ADAMTS14: variants seen among roughly 807,000 people sequenced by gnomAD.
ADAMTS14 encodes ADAM metallopeptidase with thrombospondin type 1 motif 14, also known as A disintegrin and metalloproteinase with thrombospondin motifs 14.
Under a neutral mutation model 128.6 loss-of-function variants are expected in ADAMTS14, and 100 were observed. The observed-to-expected ratio is 0.78, with a 90% CI of 0.66 to 0.92. The LOEUF (loss-of-function observed/expected upper bound fraction) is 0.92, where lower values mean the gene tolerates loss of function less well. ADAMTS14 is among the 40% of genes least tolerant of loss of function. ADAMTS14 has a pLI of 0.00. For synonymous variants in ADAMTS14, 665 were observed against 653.8 expected (o/e 1.02, Z -0.26); for missense variants, 1,562 against 1,658.6 (o/e 0.94, Z 1.01).
At chr10:70,675,103 TG>T (rs2132523038) in intron 2 of ADAMTS14, 108 bp downstream of exon 2, 1 of 1,337,898 alleles carries the variant, frequency 7.5e-7, no homozygotes, top group East Asian at 2.4e-5. Context: ...AAGGCAGGGG[TG>T]GTGCTGCCTT....
At chr10:70,700,744 C>T (rs1347674364) in intron 2 of ADAMTS14, among the ~76,000 whole-genome samples, 2 of 152,216 alleles carry the variant, frequency 1.3e-5, no homozygotes, top group Admixed American at 6.5e-5. Flanking sequence ...CTTTGGGACA[C>T]GTGTCCACAC....
At chr10:70,759,679 A>G (rs1227178790) in intron 21 of ADAMTS14, among the ~76,000 whole-genome samples, 3 of 152,206 alleles carry the variant, frequency 2.0e-5, no homozygotes, top group Non-Finnish European at 2.9e-5. Context: ...CAAATTAAGC[A>G]GTAGCAGTCT....
intron 2 of ADAMTS14, among the ~76,000 whole-genome samples, chr10:70,700,403 C>A (rs1007495697): frequency 6.6e-6 from 1 of 152,198 alleles, no homozygotes; most frequent in African/African-American, 2.4e-5. Context: ...GAAACCTGGG[C>A]TGACAGTCCC....
chr10:70,690,040 C>T (rs1840141045), intron 2 of ADAMTS14, among the ~76,000 whole-genome samples: 1 of 144,942 alleles, frequency 6.9e-6, no homozygotes, highest in Non-Finnish European at 1.6e-5. Flanking sequence ...TAGCTCCGTG[C>T]AAAGAGTAAT....
intron 11 of ADAMTS14, among the ~76,000 whole-genome samples, chr10:70,740,736 G>T (rs914707860): frequency 2.0e-5 from 3 of 152,162 alleles, no homozygotes; most frequent in Admixed American, 6.5e-5. Context: ...ACATCTGTCC[G>T]TCACACTCAC....
In ADAMTS14 at chr10:70,735,292, CTGCTT is replaced by C; in HGVS notation, c.1477_1481del (p.Cys493GlyfsTer6). ...TTGACTTTGGCAGTGGCTACCAGAC[CTGCTT>C]GGCAGTAAGTAGCCATCTGGCCTCT... is the stretch of plus-strand genomic sequence containing the variant. On this transcript the variant is annotated frameshift_variant, in exon 9 of 22. Transcript: ENST00000373207. LOFTEE classifies it high-confidence loss of function. 6.2e-7 allele frequency: 1 copy of C among 1,613,856 alleles called. No individual in the cohort carries two copies. The highest frequency in any genetic ancestry group is 2.2e-5 in the East Asian group (1 of 44,886).
chr10:70,741,813 G>T (rs1842009212), intron 12 of ADAMTS14, among the ~76,000 whole-genome samples: 1 of 152,198 alleles, frequency 6.6e-6, no homozygotes, highest in African/African-American at 2.4e-5. Context: ...AGTGTTTCCA[G>T]TGATGGCTCC....
In ADAMTS14 at chr10:70,672,623, G is replaced by A. The variant is rs1839514295; in HGVS notation, c.-180G>A. Among the ~76,000 whole-genome samples, 1 of 151,712 alleles carries A rather than the reference G, an allele frequency of 6.6e-6. No homozygotes were observed. The highest frequency in any genetic ancestry group is 2.4e-5 in the African/African-American group (1 of 41,388). On this transcript the variant is annotated 5_prime_UTR_variant, in exon 1 of 22. Transcript: ENST00000373207. ...CCCGGAGCCAGCGGTCCAGGCGGCG[G>A]CGCCGCGCAGGGGACCCGGAGCAGG...
chr10:70,760,730 C>A lies in ADAMTS14; in HGVS notation c.3549C>A (p.Thr1183=). 1 of 1,614,070 alleles carries A rather than the reference C, an allele frequency of 6.2e-7. No individual in the cohort carries two copies. Among genetic ancestry groups the A allele is most frequent in the Non-Finnish European group, 8.5e-7 (1 of 1,180,000 alleles). Residue 1183 remains threonine, a synonymous_variant, in exon 22 of 22, where the codon ACC becomes ACA. Coordinates refer to ENST00000373207, the MANE Select transcript of ADAMTS14 (RefSeq NM_080722.4). ...CATCCTGGAGCATCTCCCCTACCAC[C>A]CCCGGGGGGCTGCCTTGGGGCTGGA... ...PGASWSISPT[T]PGGLPWGWTQ...
intron 18 of ADAMTS14, among the ~76,000 whole-genome samples, 184 bp from the exon 19 acceptor site, chr10:70,753,616 G>A (rs1390261679): frequency 1.8e-4 from 27 of 152,180 alleles, no homozygotes; most frequent in Admixed American, 1.7e-3. Context: ...AGAGAAGAGT[G>A]CCCTTCCTGA....
At chr10:70,747,224 G>A (rs1035910193) in intron 15 of ADAMTS14, among the ~76,000 whole-genome samples, 3 of 152,082 alleles carry the variant, frequency 2.0e-5, no homozygotes, top group Admixed American at 1.3e-4. Context: ...ATCTGAAAGG[G>A]CATTGTCCCA....
At chr10:70,732,479 A>T in intron 7 of ADAMTS14, 120 bp downstream of exon 7, 1 of 896,858 alleles carries the variant, frequency 1.1e-6, no homozygotes, top group Non-Finnish European at 1.7e-6. Context: ...GAGGTGTCAG[A>T]GGAGCTGGAC....
At chr10:70,739,345 T>C (rs1400395045) in intron 11 of ADAMTS14, among the ~76,000 whole-genome samples, 1 of 152,160 alleles carries the variant, frequency 6.6e-6, no homozygotes, top group Non-Finnish European at 1.5e-5. Context: ...AGCTCTTTGT[T>C]GGAAGAATCA....
At chr10:70,749,183 A>G (rs565350097) in intron 15 of ADAMTS14, among the ~76,000 whole-genome samples, 2 of 152,288 alleles carry the variant, frequency 1.3e-5, no homozygotes, top group South Asian at 4.1e-4. Flanking sequence ...TGGTCTAGCG[A>G]TAGTGCCCAC....
rs1840161866 is a variant in ADAMTS14 at position 70,690,798 on chromosome 10, C to T, written c.523-11514C>T. 1.4e-5 allele frequency among the ~76,000 whole-genome samples: 2 copies of T among 145,190 alleles called. 1 individual carries two copies. Among genetic ancestry groups the T allele is most frequent in the Non-Finnish European group, 3.2e-5 (2 of 63,422 alleles). On this transcript the variant is annotated intron_variant, in intron 2 of 21. Transcript: ENST00000373207. ...AGTGGCAGCGTTCAAACTGCAGGGC[C>T]TCCACGCAGGGTGCCGCTCCTCCGC... is the stretch of plus-strand genomic sequence containing the variant.
chr10:70,710,288 C>G (rs527472210), intron 4 of ADAMTS14, among the ~76,000 whole-genome samples: 1 of 152,236 alleles, frequency 6.6e-6, no homozygotes, highest in Non-Finnish European at 1.5e-5. Context: ...CATAAACATT[C>G]ATCTGGAACA....
chr10:70,760,050 A>G (rs528944211), intron 21 of ADAMTS14, among the ~76,000 whole-genome samples: 93 of 152,320 alleles, frequency 6.1e-4, no homozygotes, highest in African/African-American at 2.2e-3. Context: ...TTTCTGATGC[A>G]ATAGGGCTGG....
At chr10:70,685,864 G>A (rs1459406671) in intron 2 of ADAMTS14, among the ~76,000 whole-genome samples, 1 of 152,148 alleles carries the variant, frequency 6.6e-6, no homozygotes, top group Non-Finnish European at 1.5e-5. Flanking sequence ...GTGTTTATGA[G>A]GCTCCCACTA....
chr10:70,749,812 C>A lies in ADAMTS14; in HGVS notation c.2264-10C>A, dbSNP rs376614311. On this transcript the variant is annotated splice_polypyrimidine_tract_variant and intron_variant, in intron 15 of 21. Transcript: ENST00000373207. ...AGAAATCTGTGTGACCCTCTCCCCC[C>A]ACCGGTCAGTGGTGAAGAACCAGGT... 31 of 1,613,354 alleles carry A rather than the reference C, an allele frequency of 1.9e-5. No individual in the cohort carries two copies. In the East Asian group the frequency reaches 4.5e-4, roughly 23 times the overall value.
Sources: allele counts gnomAD v4.1 joint callset (sites outside exome capture counted in the v4.1 genomes callset), GRCh38; gene constraint gnomAD v4.1.1; transcripts MANE v1.5; gene names NCBI Gene and HGNC (gene_info 2026-07-23, HGNC 2026-07-21).